Variants in ITGBL1 observed in about 807,000 individuals in gnomAD.
The protein encoded by ITGBL1 is integrin subunit beta like 1.
Under a neutral mutation model 68.5 loss-of-function variants are expected in ITGBL1, and 51 were observed. The observed-to-expected ratio is 0.74, with a 90% CI of 0.59 to 0.94. The LOEUF is 0.94. Among genes scored for constraint, ITGBL1 ranks in the 40% least tolerant of loss-of-function variants. The pLI is 0.00. For missense variants in ITGBL1, 649 were observed against 647.4 expected (o/e 1.00, Z -0.03); for synonymous variants, 209 against 227.3 (o/e 0.92, Z 0.72).
At chr13:101,545,348 G>C (rs1209380889) in intron 2 of ITGBL1, among the ~76,000 whole-genome samples, 1 of 152,110 alleles carries the variant, frequency 6.6e-6, no homozygotes, top group African/African-American at 2.4e-5. Flanking sequence ...TTGGGAACAA[G>C]AAACACAGGC....
intron 7 of ITGBL1, among the ~76,000 whole-genome samples, chr13:101,677,938 A>G (rs574213507): frequency 2.0e-5 from 3 of 152,322 alleles, no homozygotes; most frequent in Non-Finnish European, 2.9e-5. Context: ...CTGTTTTCCA[A>G]AATTGGATAT....
In ITGBL1 at chr13:101,645,766, C is replaced by G. The variant is rs78194732; in HGVS notation, c.1016-46819C>G. 5.9e-5 allele frequency among the ~76,000 whole-genome samples: 9 copies of G among 152,150 alleles called. No individual in the cohort carries two copies. In the South Asian group the frequency reaches 1.0e-3, roughly 18 times the overall value. ...AGGTTCATGCCCCGCAACTGCCTCACGCAGGAGGGACACGTGGGTAAGGAG... is the reference window on the plus strand; with the variant it reads ...AGGTTCATGCCCCGCAACTGCCTCAGGCAGGAGGGACACGTGGGTAAGGAG... On this transcript the variant is annotated intron_variant, in intron 7 of 10. Transcript: ENST00000376180.
chr13:101,524,268 C>A (rs2049334661), intron 2 of ITGBL1, among the ~76,000 whole-genome samples: 1 of 151,934 alleles, frequency 6.6e-6, no homozygotes, highest in African/African-American at 2.4e-5. Context: ...AAAAACAATG[C>A]CACTCATGAT....
intron 7 of ITGBL1, among the ~76,000 whole-genome samples, chr13:101,664,171 C>A (rs949987308): frequency 3.3e-5 from 5 of 152,100 alleles, no homozygotes; most frequent in African/African-American, 1.2e-4. Context: ...GGACTAACTT[C>A]GCAGTTTTAT....
intron 2 of ITGBL1, among the ~76,000 whole-genome samples, chr13:101,501,662 C>T (rs1027359916): frequency 6.6e-6 from 1 of 152,180 alleles, no homozygotes; most frequent in Non-Finnish European, 1.5e-5. Flanking sequence ...ACCACTCCTA[C>T]TTTTTGATAG....
intron 3 of ITGBL1, among the ~76,000 whole-genome samples, chr13:101,574,426 A>G (rs907164386): frequency 6.6e-6 from 1 of 152,126 alleles, no homozygotes; most frequent in East Asian, 1.9e-4. Context: ...TACTGGTCTC[A>G]GTTAAATCCC....
chr13:101,647,969 T>C (rs1283328663), intron 7 of ITGBL1, among the ~76,000 whole-genome samples: 2 of 152,156 alleles, frequency 1.3e-5, no homozygotes, highest in South Asian at 2.1e-4. Context: ...TGAAGAAGCA[T>C]GGACCTCATG....
chr13:101,465,972 G>A (rs1038925441), intron 2 of ITGBL1, among the ~76,000 whole-genome samples: 1 of 152,170 alleles, frequency 6.6e-6, no homozygotes, highest in Non-Finnish European at 1.5e-5. Context: ...AGCAGAGGTA[G>A]TGATGTTACT....
At chr13:101,506,445 A>G (rs2049028330) in intron 2 of ITGBL1, among the ~76,000 whole-genome samples, 1 of 152,198 alleles carries the variant, frequency 6.6e-6, no homozygotes, top group African/African-American at 2.4e-5. Context: ...ATTGTTGTTC[A>G]TAGCGACTCT....
chr13:101,598,395 G>T, intron 7 of ITGBL1, 96 bp downstream of exon 7: 5 of 1,048,662 alleles, frequency 4.8e-6, no homozygotes, highest in Non-Finnish European at 5.0e-6. Context: ...TTTGTTTTTT[G>T]TTTTCTGCTT....
intron 2 of ITGBL1, among the ~76,000 whole-genome samples, chr13:101,473,941 C>T (rs1476753380): frequency 6.6e-6 from 1 of 152,172 alleles, no homozygotes; most frequent in African/African-American, 2.4e-5. Context: ...CAGTGGTACC[C>T]AGGCAGTACT....
chr13:101,644,216 A>AT (rs778551753), intron 7 of ITGBL1, among the ~76,000 whole-genome samples: 3 of 152,206 alleles, frequency 2.0e-5, no homozygotes, highest in African/African-American at 4.8e-5. Context: ...TGCACCTTCA[A>AT]TAAAAACTAC....
At chr13:101,596,103 C>A (rs1434393247) in intron 6 of ITGBL1, among the ~76,000 whole-genome samples, 2 of 151,788 alleles carry the variant, frequency 1.3e-5, no homozygotes, top group Non-Finnish European at 2.9e-5. Context: ...GAATAGTATT[C>A]GTCCTTTAAG....
At chr13:101,505,792 C>G (rs567791145) in intron 2 of ITGBL1, among the ~76,000 whole-genome samples, 38 of 152,190 alleles carry the variant, frequency 2.5e-4, no homozygotes, top group Non-Finnish European at 5.0e-4. Flanking sequence ...CAGAGCAATT[C>G]TACCACTGTT....
At chr13:101,615,408 C>T (rs2031311030) in intron 7 of ITGBL1, among the ~76,000 whole-genome samples, 1 of 152,172 alleles carries the variant, frequency 6.6e-6, no homozygotes, top group Admixed American at 6.5e-5. Context: ...GGAAATCAAG[C>T]CCGCTTCTAC....
chr13:101,579,143 T>C, intron 4 of ITGBL1, 144 bp from the exon 5 acceptor site: 2 of 819,914 alleles, frequency 2.4e-6, no homozygotes, highest in Non-Finnish European at 3.9e-6. Flanking sequence ...TGGAGAAAGC[T>C]GTATAATTTG....
intron 7 of ITGBL1, among the ~76,000 whole-genome samples, chr13:101,641,160 T>G (rs902180013): frequency 3.9e-5 from 6 of 152,108 alleles, no homozygotes; most frequent in Admixed American, 3.3e-4. Context: ...TACAATAGCT[T>G]CATCTTTTGA....
chr13:101,670,854 A>T (rs1183882647), intron 7 of ITGBL1, among the ~76,000 whole-genome samples: 4 of 152,148 alleles, frequency 2.6e-5, no homozygotes, highest in Non-Finnish European at 5.9e-5. Flanking sequence ...ATTTATATGA[A>T]TATGTTATTG....
At chr13:101,514,568 A>G (rs540403054) in intron 2 of ITGBL1, among the ~76,000 whole-genome samples, 2 of 152,222 alleles carry the variant, frequency 1.3e-5, no homozygotes, top group Admixed American at 6.6e-5. Context: ...TCTACAAATG[A>G]TGAGAAATAT....
Sources: gnomAD v4.1 joint callset for allele counts (sites outside exome capture counted in the v4.1 genomes callset) on GRCh38, gnomAD v4.1.1 for gene constraint, MANE v1.5 for transcripts, NCBI Gene and HGNC (gene_info 2026-07-23, HGNC 2026-07-21) for gene names.